Variants in GALNT13 observed in about 807,000 individuals in gnomAD.
GALNT13 encodes polypeptide N-acetylgalactosaminyltransferase 13.
Under a neutral mutation model 64.2 loss-of-function variants are expected in GALNT13, and 28 were observed. That is an observed-to-expected ratio of 0.44 (90% confidence interval 0.32 to 0.60). GALNT13 has a LOEUF of 0.60. Ranked by LOEUF, GALNT13 falls within the 20% of genes least tolerant of loss-of-function variation. The pLI is 0.05. For synonymous variants in GALNT13, 214 were observed against 224.6 expected (o/e 0.95, Z 0.42); for missense variants, 577 against 669.8 (o/e 0.86, Z 1.53).
At chr2:153,277,424 A>G in the GALNT13 span, among the ~76,000 whole-genome samples, 1 of 152,174 alleles carries the variant, frequency 6.6e-6, no homozygotes, top group Non-Finnish European at 1.5e-5. Context: ...TGTGGTATAT[A>G]TGTATGACAT....
chr2:154,105,541 A>G (rs988851021), intron 3 of GALNT13, among the ~76,000 whole-genome samples: 9 of 152,182 alleles, frequency 5.9e-5, no homozygotes, highest in South Asian at 2.1e-4. Flanking sequence ...GTAGTAGTCT[A>G]TCCCACCTAG....
At chr2:153,291,587 A>C in the GALNT13 span, among the ~76,000 whole-genome samples, 1 of 152,226 alleles carries the variant, frequency 6.6e-6, no homozygotes, top group Non-Finnish European at 1.5e-5. Context: ...GGGGTTACCC[A>C]AAACTGGAAG....
At chr2:153,069,681 G>A in the GALNT13 span, among the ~76,000 whole-genome samples, 1 of 152,176 alleles carries the variant, frequency 6.6e-6, no homozygotes, top group East Asian at 1.9e-4. Flanking sequence ...AGCTGCACAA[G>A]GTGGAGCTCC....
the GALNT13 span, among the ~76,000 whole-genome samples, chr2:153,642,311 C>T: frequency 2.0e-5 from 3 of 151,622 alleles, no homozygotes; most frequent in African/African-American, 7.3e-5. Flanking sequence ...TGCACATATG[C>T]GTGAGTTACT....
intron 3 of GALNT13, among the ~76,000 whole-genome samples, chr2:154,007,849 A>G (rs1696359437): frequency 1.3e-5 from 2 of 151,916 alleles, no homozygotes; most frequent in African/African-American, 4.8e-5. Flanking sequence ...GTTTCCATAT[A>G]TAGTCTTAGG....
At chr2:153,621,970 G>A in the GALNT13 span, among the ~76,000 whole-genome samples, 1 of 152,028 alleles carries the variant, frequency 6.6e-6, no homozygotes, top group African/African-American at 2.4e-5. Flanking sequence ...GGTTAGTTTA[G>A]TAAAAAAATG....
At position 154,233,286 on chromosome 2, in the gene GALNT13, T is replaced by C. The variant is rs114239735; in HGVS notation, c.312-8744T>C. 3.2e-3 allele frequency among the ~76,000 whole-genome samples: 480 copies of C among 152,216 alleles called. 2 individuals carry two copies. The highest frequency in any genetic ancestry group is 5.7e-3 in the Non-Finnish European group (390 of 67,992). Reference sequence around the variant, plus strand: ...CTTAAGTAGTTTAAGGAAGGTCTTTTAATGTATTGTGTGAAGTATGTAACA... The same window carrying C: ...CTTAAGTAGTTTAAGGAAGGTCTTTCAATGTATTGTGTGAAGTATGTAACA... On this transcript the variant is annotated intron_variant, in intron 4 of 12. Transcript: ENST00000392825.
At chr2:153,111,558 G>A in the GALNT13 span, among the ~76,000 whole-genome samples, 3 of 152,054 alleles carry the variant, frequency 2.0e-5, no homozygotes, top group African/African-American at 7.2e-5. Flanking sequence ...TAATTTTAAA[G>A]CAACATTACT....
chr2:153,845,784 G>A, the GALNT13 span, among the ~76,000 whole-genome samples: 1 of 91,462 alleles, frequency 1.1e-5, no homozygotes, highest in African/African-American at 3.6e-5. Flanking sequence ...ATGAAGCAGG[G>A]TAAATGTAAA....
chr2:154,303,818 G>A (rs563908910), intron 9 of GALNT13, among the ~76,000 whole-genome samples: 5 of 151,966 alleles, frequency 3.3e-5, no homozygotes, highest in African/African-American at 1.2e-4. Context: ...GAGTGCAGTG[G>A]CGTGATCTCG....
the GALNT13 span, among the ~76,000 whole-genome samples, chr2:153,232,496 G>T: frequency 6.6e-6 from 1 of 152,164 alleles, no homozygotes; most frequent in South Asian, 2.1e-4. Context: ...TGAAAGTCCA[G>T]TTATAATTTA....
intron 2 of GALNT13, among the ~76,000 whole-genome samples, chr2:153,944,176 C>T (rs369773928): frequency 1.9e-4 from 29 of 152,076 alleles, no homozygotes; most frequent in African/African-American, 6.5e-4. Context: ...TGTCAAGGGC[C>T]TGGCAGAGTA....
the GALNT13 span, among the ~76,000 whole-genome samples, chr2:153,821,055 T>C: frequency 6.6e-6 from 1 of 152,026 alleles, no homozygotes; most frequent in South Asian, 2.1e-4. Flanking sequence ...CTATCCTAAA[T>C]TATATGAACC....
intron 1 of GALNT13, among the ~76,000 whole-genome samples, chr2:153,874,818 C>A (rs896246312): frequency 2.6e-5 from 4 of 152,002 alleles, no homozygotes; most frequent in African/African-American, 4.8e-5. Context: ...TGAATTTGCC[C>A]CTTTTTGCAA....
At chr2:154,399,371 G>A (rs887365830) in intron 10 of GALNT13, among the ~76,000 whole-genome samples, 3 of 152,172 alleles carry the variant, frequency 2.0e-5, no homozygotes, top group African/African-American at 7.2e-5. Flanking sequence ...TAGTTCTGGA[G>A]ATTAGGAAGT....
chr2:154,209,103 T>A (rs930176085), intron 4 of GALNT13, among the ~76,000 whole-genome samples: 12 of 151,302 alleles, frequency 7.9e-5, no homozygotes, highest in African/African-American at 2.7e-4. Context: ...ACAGGAAGAA[T>A]TATATTTTTC....
intron 9 of GALNT13, among the ~76,000 whole-genome samples, chr2:154,371,010 G>T (rs1177939710): frequency 6.6e-6 from 1 of 152,020 alleles, no homozygotes. Flanking sequence ...GCCAAGAAAA[G>T]ATAAGCTAGC....
the GALNT13 span, among the ~76,000 whole-genome samples, chr2:153,557,262 C>T: frequency 6.6e-6 from 1 of 152,206 alleles, no homozygotes; most frequent in African/African-American, 2.4e-5. Context: ...CTAGGAGCAG[C>T]AGGCCATACC....
At chr2:154,447,680 G>A (rs1302331840) in intron 12 of GALNT13, among the ~76,000 whole-genome samples, 1 of 151,930 alleles carries the variant, frequency 6.6e-6, no homozygotes, top group Non-Finnish European at 1.5e-5. Context: ...AACAAGGCTA[G>A]AAATGAAATT....
Sources: allele counts gnomAD v4.1 joint callset (sites outside exome capture counted in the v4.1 genomes callset), GRCh38; gene constraint gnomAD v4.1.1; transcripts MANE v1.5; gene names NCBI Gene and HGNC (gene_info 2026-07-23, HGNC 2026-07-21).